Variants in URB1 observed in about 807,000 individuals in gnomAD.
URB1 encodes the protein URB1 ribosome biogenesis factor, also known as nucleolar pre-ribosomal-associated protein 1.
URB1 carries 197 observed loss-of-function variants against 242.3 expected under a neutral mutation model. The observed-to-expected ratio is 0.81, with a 90% CI of 0.72 to 0.91. The LOEUF (loss-of-function observed/expected upper bound fraction) is 0.91. Ranked by LOEUF, URB1 falls within the 40% of genes least tolerant of loss-of-function variation. The probability of loss-of-function intolerance (pLI) is 0.00; values close to 1 mark genes in which losing one functional copy is unlikely to be tolerated. For missense variants in URB1, 2,721 were observed against 2,860.5 expected (o/e 0.95, Z 1.11); for synonymous variants, 1,153 against 1,201.8 (o/e 0.96, Z 0.84).
chr21:32,392,729 G>A lies in URB1; in HGVS notation c.142+40C>T, dbSNP rs1039390949. 7.2e-6 allele frequency: 10 copies of A among 1,383,010 alleles called. No homozygotes were observed. In the African/African-American group the frequency reaches 1.4e-4, roughly 19 times the overall value. 85.7% of individuals were successfully genotyped at this position (1,383,010 alleles called of 1,614,324 possible). On this transcript the variant is annotated intron_variant, in intron 1 of 38. Transcript: ENST00000382751. ...CCGGCACACGGAGGCCGCCTCGCCA[G>A]CCTGTGCTCCCGACCCTGCGCCTGC...
rs900783847 is a variant in URB1 at position 32,349,464 on chromosome 21, G to A, written c.2852C>T (p.Pro951Leu). Residue 951 changes from proline (P) to leucine (L), a missense_variant, in exon 21 of 39, where the codon CCG becomes CTG. Pro to Leu is a moderately conservative substitution (Grantham distance 98, BLOSUM62 -3). Transcript: ENST00000382751. ...NFGQLGRSVG[P>L]PLLQLFLDLL... ...ATCCAGGAAGAGCTGCAGGAGGGGC[G>A]GGCCCACACTTCTGCCCAGCTGTGA... 4.9e-5 allele frequency: 76 copies of A among 1,549,828 alleles called. No individual in the cohort carries two copies. Among genetic ancestry groups the A allele is most frequent in the Non-Finnish European group, 6.2e-5 (71 of 1,146,488 alleles).
rs182954091 is a variant in URB1, at chr21:32,355,042, G to A, written c.2107-45C>T. 1.7e-5 allele frequency: 26 copies of A among 1,511,098 alleles called. 1 individual carries two copies. In the Admixed American group the frequency reaches 2.4e-4, roughly 14 times the overall value. 93.6% of individuals were successfully genotyped at this position (1,511,098 alleles called of 1,614,324 possible). A position where few individuals can be genotyped will look rare whatever the true frequency, so the allele number is the denominator to read the frequency against. On this transcript the variant is annotated intron_variant, in intron 16 of 38. Transcript: ENST00000382751. The stretch of plus-strand genomic sequence containing the variant: ...ATAGAAAGCATTCAGATGGTCACAG[G>A]TGAAATGAAGAAGCCAAAAAATGTC...
Position 32,316,500 on chromosome 21 carries a change from C to A in URB1, c.6600G>T (p.Leu2200=). The change falls in exon 38 of 39, where the codon CTG becomes CTT. Residue 2200 remains leucine, a synonymous_variant. Transcript: ENST00000382751. ...CTTCATCCTTCTCACTCAGAGAAGA[C>A]AGGGAGAGGGCTTCCATGGCCGGGT... is the stretch of plus-strand genomic sequence containing the variant. ...PFHPAMEALS[L]SSLSEKDEAT... 1.3e-6 allele frequency: 2 copies of A among 1,542,150 alleles called. No homozygotes were observed. The highest frequency in any genetic ancestry group is 1.7e-6 in the Non-Finnish European group (2 of 1,142,894).
intron 28 of URB1, among the ~76,000 whole-genome samples, chr21:32,335,877 A>T (rs1164331065): frequency 2.0e-5 from 3 of 152,138 alleles, no homozygotes; most frequent in African/African-American, 7.2e-5. Context: ...CACATCCTTG[A>T]TTCGCTCTTC....
intron 28 of URB1, among the ~76,000 whole-genome samples, chr21:32,335,802 A>G (rs549489353): frequency 6.6e-5 from 10 of 152,206 alleles, no homozygotes; most frequent in African/African-American, 2.4e-4. Flanking sequence ...TCATCTAAGG[A>G]CGAGATGTTT....
intron 14 of URB1, among the ~76,000 whole-genome samples, chr21:32,359,539 C>A (rs1025301286): frequency 6.6e-6 from 1 of 152,104 alleles, no homozygotes; most frequent in African/African-American, 2.4e-5. Flanking sequence ...TTGAGATAAA[C>A]AAGAAACTCC....
chr21:32,366,558 A>C (rs542131924), intron 10 of URB1, 60 bp downstream of exon 10: 92 of 1,544,792 alleles, frequency 6.0e-5, no homozygotes, highest in African/African-American at 2.6e-4. Flanking sequence ...TAATCACATC[A>C]TGTAGCCAGC....
chr21:32,351,556 C>T (rs1182010641), intron 19 of URB1, among the ~76,000 whole-genome samples: 1 of 152,134 alleles, frequency 6.6e-6, no homozygotes, highest in Non-Finnish European at 1.5e-5. Context: ...GTCAGTGTTC[C>T]CCAGGCCTGC....
In URB1 at chr21:32,338,689, G is replaced by A. The variant is rs1268535439; in HGVS notation, c.4510+18C>T. 1.3e-6 allele frequency: 2 copies of A among 1,550,432 alleles called. No individual in the cohort carries two copies. The highest frequency in any genetic ancestry group is 1.7e-6 in the Non-Finnish European group (2 of 1,146,782). On this transcript the variant is annotated intron_variant, in intron 26 of 38. Coordinates refer to ENST00000382751, the MANE Select transcript of URB1 (RefSeq NM_014825.3). The stretch of plus-strand genomic sequence containing the variant: ...TAAAATCTGGATACGGAATGGAAGG[G>A]CTGGGGTGAGGGGTCACCTTTTACT...
intron 22 of URB1, 144 bp from the exon 23 acceptor site, chr21:32,345,719 G>T: frequency 1.3e-6 from 1 of 791,316 alleles, no homozygotes; most frequent in Admixed American, 2.9e-5. Flanking sequence ...ATTGGTCACG[G>T]CAGGAGTACT....
rs1237056518 is a variant in URB1, at chr21:32,366,702, T to C, written c.1251A>G (p.Ile417Met). Residue 417 changes from isoleucine (I) to methionine (M), a missense_variant, in exon 10 of 39, where the codon ATA (isoleucine) becomes ATG (methionine). Transcript: ENST00000382751. ...CCATTGCCAGGAGCCGAGGCAAGGG[T>C]ATAAACTCTCTGGTCTGAAATGCCC... The part of the protein sequence containing the change: ...ISRAFQTREF[I>M]PLPRLLAMVM... The C allele has an allele frequency of 4.5e-6, 7 of 1,551,390 alleles. No individual in the cohort carries two copies. Among genetic ancestry groups the C allele is most frequent in the Non-Finnish European group, 5.2e-6 (6 of 1,146,824 alleles).
rs2033349438 is a variant in URB1, at chr21:32,366,610, G to A, written c.1335+8C>T. ...AGTTCCAGAAGTGGGGCAACCACATGGCCTTACGTTTAATGCTTGGGTGAA... is the reference window on the plus strand; with the variant it reads ...AGTTCCAGAAGTGGGGCAACCACATAGCCTTACGTTTAATGCTTGGGTGAA... On this transcript the variant is annotated splice_region_variant and intron_variant, in intron 10 of 38. Transcript: ENST00000382751. The A allele has an allele frequency of 3.9e-6, 6 of 1,551,134 alleles. No individual in the cohort carries two copies. The highest frequency in any genetic ancestry group is 1.4e-5 in the African/African-American group (1 of 73,030).
In URB1 at chr21:32,319,322, C is replaced by T. The variant is rs1260508623; in HGVS notation, c.5687G>A (p.Ser1896Asn). 3 of 1,551,288 alleles carry T rather than the reference C, an allele frequency of 1.9e-6. No individual in the cohort carries two copies. Among genetic ancestry groups the T allele is most frequent in the Non-Finnish European group, 2.6e-6 (3 of 1,146,798 alleles). Residue 1896 changes from serine (S) to asparagine (N), a missense_variant, in exon 36 of 39, where the codon AGC becomes AAC. Coordinates refer to ENST00000382751, the MANE Select transcript of URB1 (RefSeq NM_014825.3). ...NLGDKAVEWE[S>N]QRLCQPSSQE... ...GGAGCTAGGCTGGCAAAGGCGCTGG[C>T]TCTCCCACTCCACTGCCTTGTCCCC...
intron 38 of URB1, among the ~76,000 whole-genome samples, chr21:32,315,975 C>T (rs2032676307): frequency 6.6e-6 from 1 of 152,248 alleles, no homozygotes; most frequent in African/African-American, 2.4e-5. Context: ...CACTCATTCA[C>T]ACTGCTAGGC....
At chr21:32,329,728 A>C (rs1436555342) in intron 30 of URB1, among the ~76,000 whole-genome samples, 2 of 152,222 alleles carry the variant, frequency 1.3e-5, no homozygotes, top group African/African-American at 2.4e-5. Context: ...GCCACATATA[A>C]AAATTAATTG....
chr21:32,388,571 C>T (rs1188141134), intron 1 of URB1, among the ~76,000 whole-genome samples: 1 of 152,216 alleles, frequency 6.6e-6, no homozygotes, highest in African/African-American at 2.4e-5. Flanking sequence ...CCGTCTGCAG[C>T]GTGGTCTGGT....
At position 32,341,480 on chromosome 21, in the gene URB1, C is replaced by T; in HGVS notation, c.4302G>A (p.Val1434=). The change falls in exon 25 of 39, where the codon GTG becomes GTA. Residue 1434 remains valine (V), a synonymous_variant. Transcript: ENST00000382751. ...AATCAACTTACTTGAGTCCCTTCTT[C>T]ACGAATTTCTGCCAGTCACCAGGAT... ...EVDPGDWQKF[V]KKGLKFRYQD... 1 of 1,551,582 alleles carries T rather than the reference C, an allele frequency of 6.4e-7. No individual in the cohort carries two copies. Among genetic ancestry groups the T allele is most frequent in the Non-Finnish European group, 8.7e-7 (1 of 1,146,964 alleles).
intron 30 of URB1, among the ~76,000 whole-genome samples, chr21:32,329,211 A>G (rs1404829249): frequency 1.3e-5 from 2 of 152,112 alleles, no homozygotes; most frequent in Non-Finnish European, 2.9e-5. Flanking sequence ...GTATACAGTG[A>G]GCCATGATCA....
intron 36 of URB1, among the ~76,000 whole-genome samples, chr21:32,318,462 A>G (rs1222027092): frequency 6.6e-6 from 1 of 152,238 alleles, no homozygotes. Context: ...AGACACCAGC[A>G]TGTCTTCCGA....
Sources: gnomAD v4.1 joint callset for allele counts (sites outside exome capture counted in the v4.1 genomes callset) on GRCh38, gnomAD v4.1.1 for gene constraint, MANE v1.5 for transcripts, NCBI Gene and HGNC (gene_info 2026-07-23, HGNC 2026-07-21) for gene names.